HYCC2: variants seen among roughly 807,000 people sequenced by gnomAD.
The protein encoded by HYCC2 is hyccin PI4KA lipid kinase complex subunit 2, also known as hyccin 2.
the HYCC2 span, chr2:201,009,037 C>A: frequency 6.2e-7 from 1 of 1,614,052 alleles, no homozygotes; most frequent in Non-Finnish European, 8.5e-7. Context: ...CTGATGAGAT[C>A]ATGCTGACAC....
At chr2:200,995,964 C>G in the HYCC2 span, 2 of 151,528 alleles carry the variant, frequency 1.3e-5, no homozygotes, top group African/African-American at 4.9e-5. Context: ...TATAACTGAA[C>G]TTCTGTGCCT....
chr2:200,986,234 A>G, the HYCC2 span, among the ~76,000 whole-genome samples: 1 of 152,230 alleles, frequency 6.6e-6, no homozygotes, highest in Non-Finnish European at 1.5e-5. Flanking sequence ...ATTAAGGTCA[A>G]TCTGGGTAAA....
At chr2:201,048,043 A>AAT in the HYCC2 span, among the ~76,000 whole-genome samples, 1 of 152,128 alleles carries the variant, frequency 6.6e-6, no homozygotes, top group Non-Finnish European at 1.5e-5. Context: ...GGGCATAAAA[A>AAT]ATATATATAT....
chr2:201,024,615 T>G, the HYCC2 span, among the ~76,000 whole-genome samples: 2 of 152,234 alleles, frequency 1.3e-5, no homozygotes, highest in South Asian at 4.1e-4. Flanking sequence ...AAAATCAAGT[T>G]GCACATTATC....
the HYCC2 span, chr2:201,063,345 C>A: frequency 1.9e-6 from 3 of 1,560,762 alleles, no homozygotes; most frequent in Non-Finnish European, 2.6e-6. Context: ...GTCGTGGAAC[C>A]AAAGAGAGCT....
At chr2:201,033,869 ATC>A in the HYCC2 span, among the ~76,000 whole-genome samples, 6 of 152,006 alleles carry the variant, frequency 3.9e-5, no homozygotes, top group African/African-American at 1.2e-4. Flanking sequence ...AGCAACACAA[ATC>A]TTTTAATTTG....
chr2:201,007,726 C>A, the HYCC2 span, among the ~76,000 whole-genome samples: 1 of 152,116 alleles, frequency 6.6e-6, no homozygotes, highest in African/African-American at 2.4e-5. Flanking sequence ...AAAGAACTGC[C>A]GTGTGATTTA....
the HYCC2 span, among the ~76,000 whole-genome samples, chr2:201,010,931 G>T: frequency 6.6e-6 from 1 of 151,990 alleles, no homozygotes; most frequent in African/African-American, 2.4e-5. Context: ...CGGATCACAA[G>T]GTCAGGTGTT....
At chr2:200,979,529 A>G in the HYCC2 span, 2 of 142,484 alleles carry the variant, frequency 1.4e-5, no homozygotes, top group African/African-American at 2.6e-5. Context: ...GCTAGGTGTG[A>G]AAAAAAAAAA....
At chr2:200,986,455 T>G in the HYCC2 span, among the ~76,000 whole-genome samples, 8 of 152,090 alleles carry the variant, frequency 5.3e-5, no homozygotes, top group African/African-American at 1.9e-4. Context: ...AAATAATTTT[T>G]AAAAAAACTG....
chr2:201,069,026 G>C, the HYCC2 span, among the ~76,000 whole-genome samples: 1 of 152,030 alleles, frequency 6.6e-6, no homozygotes, highest in Admixed American at 6.6e-5. Flanking sequence ...GAAAAAAAAA[G>C]AACAATACAA....
the HYCC2 span, among the ~76,000 whole-genome samples, chr2:201,005,131 G>T: frequency 6.6e-6 from 1 of 152,184 alleles, no homozygotes; most frequent in Non-Finnish European, 1.5e-5. Context: ...AAAATAATTG[G>T]AACAATCAAA....
At chr2:201,021,019 C>T in the HYCC2 span, among the ~76,000 whole-genome samples, 1 of 152,052 alleles carries the variant, frequency 6.6e-6, no homozygotes, top group Non-Finnish European at 1.5e-5. Context: ...CACTCCGCTC[C>T]GCCTCCCAAA....
chr2:201,069,665 C>T, the HYCC2 span, among the ~76,000 whole-genome samples: 1 of 151,788 alleles, frequency 6.6e-6, no homozygotes, highest in African/African-American at 2.4e-5. Flanking sequence ...CAGAATTCCA[C>T]CTAAAATAGA....
At chr2:201,042,632 G>A in the HYCC2 span, among the ~76,000 whole-genome samples, 29 of 150,084 alleles carry the variant, frequency 1.9e-4, no homozygotes, top group African/African-American at 5.9e-4. Flanking sequence ...GAGCCCCTCC[G>A]CCTGGCAGCC....
chr2:200,993,020 T>C, the HYCC2 span: 5 of 1,459,428 alleles, frequency 3.4e-6, no homozygotes, highest in Non-Finnish European at 4.8e-6. Context: ...AAATACACTA[T>C]TTAACATGTG....
At chr2:201,018,876 TCAGA>T in the HYCC2 span, among the ~76,000 whole-genome samples, 5 of 152,140 alleles carry the variant, frequency 3.3e-5, no homozygotes, top group African/African-American at 1.2e-4. Context: ...TCTAGACCAG[TCAGA>T]CAATTTGTCA....
At chr2:201,047,832 A>G in the HYCC2 span, among the ~76,000 whole-genome samples, 1 of 151,436 alleles carries the variant, frequency 6.6e-6, no homozygotes, top group Middle Eastern at 3.4e-3. Flanking sequence ...CTGCTAATCT[A>G]GAATACTATG....
chr2:201,014,586 T>G, the HYCC2 span, among the ~76,000 whole-genome samples: 1 of 152,210 alleles, frequency 6.6e-6, no homozygotes, highest in Non-Finnish European at 1.5e-5. Context: ...AAACACCTAA[T>G]AAGTGGCAGG....
Sources: gnomAD v4.1 joint callset for allele counts (sites outside exome capture counted in the v4.1 genomes callset) on GRCh38, gnomAD v4.1.1 for gene constraint, MANE v1.5 for transcripts, NCBI Gene and HGNC (gene_info 2026-07-23, HGNC 2026-07-21) for gene names.